The following C1QTNF3 variants were observed in gnomAD, a reference collection of about 807,000 sequenced individuals.
C1QTNF3 encodes the protein complement C1q tumor necrosis factor-related protein 3.
Under a neutral mutation model 32.6 loss-of-function variants are expected in C1QTNF3, and 26 were observed. The ratio of observed to expected loss-of-function variants is 0.80; its 90% CI spans 0.58 to 1.11. C1QTNF3 has a LOEUF of 1.11. C1QTNF3 is among the 50% of genes least tolerant of loss of function. C1QTNF3 has a pLI of 0.00. For missense variants in C1QTNF3, 362 were observed against 398.2 expected (o/e 0.91, Z 0.77); for synonymous variants, 155 against 146.0 (o/e 1.06, Z -0.44).
chr5:34,042,565 G>T (rs904144717), intron 1 of C1QTNF3, among the ~76,000 whole-genome samples: 2 of 152,086 alleles, frequency 1.3e-5, no homozygotes, highest in African/African-American at 2.4e-5. Flanking sequence ...GGCTGGCCAG[G>T]TTCCCCTTTC....
the C1QTNF3 span, among the ~76,000 whole-genome samples, chr5:34,225,299 GAAGT>G: frequency 1.3e-5 from 2 of 151,934 alleles, no homozygotes; most frequent in African/African-American, 4.8e-5. Context: ...AACAATCAGG[GAAGT>G]AATTAAAGAG....
chr5:34,155,334 T>G, the C1QTNF3 span, among the ~76,000 whole-genome samples: 2 of 152,228 alleles, frequency 1.3e-5, no homozygotes, highest in African/African-American at 4.8e-5. Flanking sequence ...ATTACAATAC[T>G]TCTTAAGGAT....
At chr5:34,061,658 C>G in the C1QTNF3 span, among the ~76,000 whole-genome samples, 11 of 152,156 alleles carry the variant, frequency 7.2e-5, no homozygotes, top group Non-Finnish European at 1.5e-4. Context: ...AAGCCATGGC[C>G]CCAGCTCTAT....
At chr5:34,202,937 T>A in the C1QTNF3 span, among the ~76,000 whole-genome samples, 22 of 151,944 alleles carry the variant, frequency 1.4e-4, no homozygotes, top group African/African-American at 5.3e-4. Flanking sequence ...TAATACAGAG[T>A]AAATGTGCCA....
the C1QTNF3 span, chr5:34,165,203 TTA>T: frequency 6.6e-6 from 1 of 152,014 alleles, no homozygotes; most frequent in African/African-American, 2.4e-5. Flanking sequence ...TGACTGAGAG[TTA>T]TACCATCAGT....
the C1QTNF3 span, among the ~76,000 whole-genome samples, chr5:34,235,937 T>C: frequency 1.3e-5 from 2 of 152,174 alleles, no homozygotes; most frequent in African/African-American, 2.4e-5. Context: ...TTTTTTAAGA[T>C]AGGAAAAGCA....
intron 1 of C1QTNF3, among the ~76,000 whole-genome samples, 160 bp downstream of exon 1, chr5:34,042,663 C>T (rs1005080333): frequency 1.3e-5 from 2 of 152,114 alleles, no homozygotes; most frequent in African/African-American, 4.8e-5. Context: ...TCTCTTGTAC[C>T]CAAGAGCAAT....
At chr5:34,048,799 C>T in the C1QTNF3 span, among the ~76,000 whole-genome samples, 1 of 152,074 alleles carries the variant, frequency 6.6e-6, no homozygotes, top group African/African-American at 2.4e-5. Flanking sequence ...TGAGTTCCAA[C>T]ATCCCAGGGC....
At chr5:34,143,107 G>T in the C1QTNF3 span, among the ~76,000 whole-genome samples, 1 of 152,166 alleles carries the variant, frequency 6.6e-6, no homozygotes. Flanking sequence ...AACTTCTAGA[G>T]CTCAAAAATT....
chr5:34,228,771 A>G, the C1QTNF3 span, among the ~76,000 whole-genome samples: 2 of 151,912 alleles, frequency 1.3e-5, no homozygotes, highest in African/African-American at 4.8e-5. Context: ...AGTTAACTTT[A>G]TCTTTTTATG....
At chr5:34,134,735 G>C in the C1QTNF3 span, among the ~76,000 whole-genome samples, 1 of 152,098 alleles carries the variant, frequency 6.6e-6, no homozygotes, top group Admixed American at 6.5e-5. Context: ...TCTGTTATTG[G>C]TGTATAGGAA....
the C1QTNF3 span, among the ~76,000 whole-genome samples, chr5:34,228,183 C>G: frequency 6.8e-6 from 1 of 147,998 alleles, no homozygotes; most frequent in Non-Finnish European, 1.5e-5. Flanking sequence ...GATCGTCAAA[C>G]TTGCATGGTC....
the C1QTNF3 span, among the ~76,000 whole-genome samples, chr5:34,053,148 T>C: frequency 6.6e-6 from 1 of 152,160 alleles, no homozygotes; most frequent in African/African-American, 2.4e-5. Flanking sequence ...GAGTGTGCCT[T>C]GAAAATTAAT....
At chr5:34,144,853 A>T in the C1QTNF3 span, among the ~76,000 whole-genome samples, 1 of 152,134 alleles carries the variant, frequency 6.6e-6, no homozygotes, top group Non-Finnish European at 1.5e-5. Context: ...TATCAGTAAA[A>T]ATAACTAGGC....
chr5:34,177,576 T>C, the C1QTNF3 span, among the ~76,000 whole-genome samples: 8 of 131,554 alleles, frequency 6.1e-5, no homozygotes, highest in Non-Finnish European at 1.2e-4. Context: ...AACCTCCACC[T>C]CCCCAGTTCA....
the C1QTNF3 span, among the ~76,000 whole-genome samples, chr5:34,232,342 A>G: frequency 6.6e-6 from 1 of 151,696 alleles, no homozygotes; most frequent in Middle Eastern, 3.2e-3. Context: ...ATAAGTTAAG[A>G]CTTTCAGTCT....
the C1QTNF3 span, among the ~76,000 whole-genome samples, chr5:34,065,848 C>A: frequency 3.3e-5 from 5 of 152,242 alleles, no homozygotes; most frequent in African/African-American, 1.2e-4. Flanking sequence ...GTATGGAAAA[C>A]AGATCATTAT....
chr5:34,145,394 T>G, the C1QTNF3 span, among the ~76,000 whole-genome samples: 1 of 151,876 alleles, frequency 6.6e-6, no homozygotes. Context: ...CTGGAGACAA[T>G]AGATATATTC....
chr5:34,026,662 GC>G (rs1754469058), intron 4 of C1QTNF3, among the ~76,000 whole-genome samples: 2 of 151,984 alleles, frequency 1.3e-5, no homozygotes, highest in South Asian at 4.1e-4. Flanking sequence ...AGGGGAGGGA[GC>G]CTTTGAGTTA....
Sources: allele counts gnomAD v4.1 joint callset (sites outside exome capture counted in the v4.1 genomes callset), GRCh38; gene constraint gnomAD v4.1.1; transcripts MANE v1.5; gene names NCBI Gene and HGNC (gene_info 2026-07-23, HGNC 2026-07-21).